The following TGDS variants were observed in gnomAD, a reference collection of about 807,000 sequenced individuals.
The protein encoded by TGDS is UDP-D-glucose 4,6-dehydratase.
Under a neutral mutation model 52.3 loss-of-function variants are expected in TGDS, and 47 were observed. The ratio of observed to expected loss-of-function variants is 0.90; its 90% CI spans 0.71 to 1.15. The LOEUF (loss-of-function observed/expected upper bound fraction) is 1.15, where lower values mean the gene tolerates loss of function less well. Among genes scored for constraint, TGDS ranks in the 50% most tolerant of loss-of-function variants. The pLI is 0.00. For missense variants in TGDS, 375 were observed against 418.4 expected (o/e 0.90, Z 0.90); for synonymous variants, 115 against 136.9 (o/e 0.84, Z 1.12).
intron 4 of TGDS, among the ~76,000 whole-genome samples, chr13:94,587,715 G>A (rs534435908): frequency 6.6e-6 from 1 of 152,242 alleles, no homozygotes; most frequent in African/African-American, 2.4e-5. Flanking sequence ...AATCAAGACA[G>A]AGCCGGGTGC....
intron 5 of TGDS, among the ~76,000 whole-genome samples, chr13:94,582,430 T>C (rs1888830051): frequency 6.6e-6 from 1 of 152,198 alleles, no homozygotes. Context: ...AAGAGAATTC[T>C]GGGGCATGAA....
intron 10 of TGDS, among the ~76,000 whole-genome samples, chr13:94,576,877 C>T (rs1033415017): frequency 3.3e-5 from 5 of 152,004 alleles, no homozygotes; most frequent in Admixed American, 2.0e-4. Flanking sequence ...CCAAGGAGGG[C>T]GGATCACGAG....
At chr13:94,577,618 T>C (rs965563347) in intron 9 of TGDS, among the ~76,000 whole-genome samples, 189 bp from the exon 10 acceptor site, 4 of 152,154 alleles carry the variant, frequency 2.6e-5, no homozygotes, top group Admixed American at 1.3e-4. Flanking sequence ...GATATACACA[T>C]TGGATTTTGG....
upstream of TGDS, chr13:94,596,188 A>T: frequency 6.4e-7 from 1 of 1,572,196 alleles, no homozygotes; most frequent in Non-Finnish European, 8.7e-7. Flanking sequence ...TGAAAAGCGC[A>T]GGGAAGTTCC....
rs371365630 is a variant in TGDS, at chr13:94,585,799, CAAA to C, written c.314-2566_314-2564del. On this transcript the variant is annotated intron_variant, in intron 4 of 11. Coordinates refer to ENST00000261296, the MANE Select transcript of TGDS (RefSeq NM_014305.4). ...TAGGTGACAGAACAAGACTCTGTCT[CAAA>C]AAAAAAAAAAAAAAAATCCAGATAA... Among the ~76,000 whole-genome samples the C allele has an allele frequency of 2.6e-3, 305 of 116,274 alleles. 4 individuals are homozygous for C. The highest frequency in any genetic ancestry group is 9.4e-3 in the Middle Eastern group (2 of 212). The allele number at this position is 116,274 out of a possible 152,430, so 76.3% of individuals were successfully genotyped here.
intron 1 of TGDS, among the ~76,000 whole-genome samples, chr13:94,594,593 A>G (rs528012022): frequency 6.6e-6 from 1 of 152,216 alleles, no homozygotes; most frequent in South Asian, 2.1e-4. Context: ...AGGAGAGGGG[A>G]GCCCTTGACC....
chr13:94,593,061 G>A (rs1372353425), intron 2 of TGDS, among the ~76,000 whole-genome samples: 1 of 152,094 alleles, frequency 6.6e-6, no homozygotes, highest in Non-Finnish European at 1.5e-5. Flanking sequence ...GGCTGGGGCA[G>A]GAGAATCGCT....
chr13:94,582,991 C>T (rs904613747), intron 5 of TGDS, 103 bp downstream of exon 5: 27 of 1,250,478 alleles, frequency 2.2e-5, no homozygotes, highest in Non-Finnish European at 2.8e-5. Flanking sequence ...AAGAGTGCCA[C>T]AAGTGTATAT....
intron 1 of TGDS, among the ~76,000 whole-genome samples, chr13:94,595,224 T>C (rs141986029): frequency 1.6e-4 from 25 of 152,160 alleles, no homozygotes; most frequent in Admixed American, 5.2e-4. Flanking sequence ...TCTTGGTGTG[T>C]TCCAAGAACT....
At chr13:94,581,233 T>C in intron 5 of TGDS, 44 bp from the exon 6 acceptor site, 2 of 1,303,552 alleles carry the variant, frequency 1.5e-6, no homozygotes, top group African/African-American at 1.5e-5. Context: ...ATGCATATTT[T>C]AAGTATAGAA....
At chr13:94,592,202 C>A in intron 3 of TGDS, 39 bp downstream of exon 3, 1 of 1,484,632 alleles carries the variant, frequency 6.7e-7, no homozygotes, top group South Asian at 1.2e-5. Context: ...CTCTGCATGA[C>A]TAAAGAGGCA....
intron 6 of TGDS, 130 bp downstream of exon 6, chr13:94,580,961 C>A: frequency 2.0e-6 from 1 of 502,064 alleles, no homozygotes; most frequent in African/African-American, 2.0e-5. Context: ...TGTCAGATTG[C>A]GACTGTCTCC....
chr13:94,590,871 C>G lies in TGDS; in HGVS notation c.295G>C (p.Ala99Pro). The change falls in exon 4 of 12, where the codon GCC becomes CCC. Residue 99 changes from alanine (A) to proline (P), a missense_variant. Transcript: ENST00000261296. Reference protein sequence around the residue: ...TEKIDIVLHFAAQTHVDLSFV... With the variant: ...TEKIDIVLHFPAQTHVDLSFV... ...TGCTTACCTACATGTGTTTGTGCGG[C>G]AAAATGTAGTACTATATCTATTTTC... 1 of 1,567,296 alleles carries G rather than the reference C, an allele frequency of 6.4e-7. No homozygotes were observed. Among genetic ancestry groups the G allele is most frequent in the Admixed American group, 2.1e-5 (1 of 46,938 alleles).
At chr13:94,589,913 A>G (rs1043682249) in intron 4 of TGDS, among the ~76,000 whole-genome samples, 1 of 152,126 alleles carries the variant, frequency 6.6e-6, no homozygotes. Context: ...TCTGTTATAT[A>G]GCCAAATGTA....
At chr13:94,587,336 GT>G (rs1407874189) in intron 4 of TGDS, among the ~76,000 whole-genome samples, 2 of 152,114 alleles carry the variant, frequency 1.3e-5, no homozygotes, top group Non-Finnish European at 2.9e-5. Context: ...GTCAAAGATT[GT>G]TTTTTTGGAA....
intron 6 of TGDS, among the ~76,000 whole-genome samples, chr13:94,580,685 G>GA (rs964475399): frequency 2.1e-4 from 31 of 150,944 alleles, no homozygotes; most frequent in Admixed American, 4.6e-4. Context: ...TACTGAAATA[G>GA]AAAAAAAAAT....
At chr13:94,588,421 C>CAAAAAAAAAAAAAAAAAAAA (rs150186125) in intron 4 of TGDS, among the ~76,000 whole-genome samples, 10 of 58,492 alleles carry the variant, frequency 1.7e-4, no homozygotes, top group South Asian at 1.0e-3. Flanking sequence ...GACTCTGTCT[C>CAAAAAAAAAAAAAAAAAAAA]AAAAAAAAAA....
At chr13:94,589,881 G>A (rs1388283855) in intron 4 of TGDS, among the ~76,000 whole-genome samples, 4 of 152,030 alleles carry the variant, frequency 2.6e-5, no homozygotes, top group African/African-American at 4.8e-5. Context: ...TTATCTCAAC[G>A]TGAAGTATGC....
Position 94,596,077 on chromosome 13 carries a change from G to C in TGDS, c.60C>G (p.Val20=). Residue 20 remains valine, a synonymous_variant, in exon 1 of 12, where the codon GTC becomes GTG. Transcript: ENST00000261296. ...WGLPGGFAKR[V]LVTGGAGFIA... is the part of the protein sequence containing the mutation. The stretch of plus-strand genomic sequence containing the variant: ...TGAAACCAGCACCGCCGGTCACCAG[G>C]ACCCGCTTCGCAAAGCCGCCGGGAA... 1 of 1,614,074 alleles carries C rather than the reference G, an allele frequency of 6.2e-7. No homozygotes were observed. Among genetic ancestry groups the C allele is most frequent in the South Asian group, 1.1e-5 (1 of 91,080 alleles).
Sources: gnomAD v4.1 joint callset for allele counts (sites outside exome capture counted in the v4.1 genomes callset) on GRCh38, gnomAD v4.1.1 for gene constraint, MANE v1.5 for transcripts, NCBI Gene and HGNC (gene_info 2026-07-23, HGNC 2026-07-21) for gene names.